C1orf146: variants seen among roughly 807,000 people sequenced by gnomAD.
C1orf146 encodes the protein chromosome 1 open reading frame 146.
In C1orf146, 22 loss-of-function variants were observed where a neutral mutation model predicts 23.0. The ratio of observed to expected loss-of-function variants is 0.96; its 90% CI spans 0.68 to 1.36. The LOEUF (loss-of-function observed/expected upper bound fraction) is 1.36. C1orf146 is among the 40% of genes most tolerant of loss of function. The pLI is 0.00. For missense variants in C1orf146, 199 were observed against 206.8 expected (o/e 0.96, Z 0.23); for synonymous variants, 59 against 65.3 (o/e 0.90, Z 0.47).
At chr1:92,226,950 CT>C (rs1365732343) in intron 1 of C1orf146, among the ~76,000 whole-genome samples, 12 of 152,176 alleles carry the variant, frequency 7.9e-5, no homozygotes, top group African/African-American at 2.9e-4. Flanking sequence ...TGCTGATTAA[CT>C]CAGAAATTAC....
At chr1:92,243,494 A>G (rs1188699780) in intron 3 of C1orf146, among the ~76,000 whole-genome samples, 3 of 152,070 alleles carry the variant, frequency 2.0e-5, no homozygotes, top group African/African-American at 4.8e-5. Context: ...TTACAGGCAC[A>G]TACCACCACA....
intron 1 of C1orf146, among the ~76,000 whole-genome samples, chr1:92,226,656 A>G (rs921626401): frequency 6.6e-6 from 1 of 151,940 alleles, no homozygotes; most frequent in African/African-American, 2.4e-5. Context: ...CACCCTTTTT[A>G]TATCTTAGTA....
At chr1:92,238,784 A>G (rs1652358517) in intron 2 of C1orf146, among the ~76,000 whole-genome samples, 1 of 152,164 alleles carries the variant, frequency 6.6e-6, no homozygotes, top group Non-Finnish European at 1.5e-5. Context: ...CTCACCATAT[A>G]AGAACCATAC....
intron 2 of C1orf146, among the ~76,000 whole-genome samples, chr1:92,236,176 G>A (rs544068176): frequency 2.0e-5 from 3 of 151,442 alleles, no homozygotes; most frequent in African/African-American, 7.3e-5. Context: ...TATTTTGCTC[G>A]TTAGTTGATG....
intron 3 of C1orf146, among the ~76,000 whole-genome samples, chr1:92,243,415 C>T (rs559744186): frequency 4.0e-5 from 6 of 150,484 alleles, no homozygotes; most frequent in East Asian, 4.0e-4. Context: ...GGTGTGATCT[C>T]AGCTCACTGC....
chr1:92,245,526 A>T lies in C1orf146; in HGVS notation c.409-14A>T. The T allele has an allele frequency of 6.3e-7, 1 of 1,575,540 alleles. No homozygotes were observed. Among genetic ancestry groups the T allele is most frequent in the Non-Finnish European group, 8.6e-7 (1 of 1,161,704 alleles). ...TTTCTGTAAATAATGCTGCATCTTT[A>T]TATCTTCTTCCAGACTACCTCCAAA... On this transcript the variant is annotated splice_polypyrimidine_tract_variant and intron_variant, in intron 5 of 5. Coordinates refer to ENST00000370375, the MANE Select transcript of C1orf146 (RefSeq NM_001012425.2).
At chr1:92,218,942 T>C (rs1216439061) in intron 1 of C1orf146, among the ~76,000 whole-genome samples, 1 of 152,180 alleles carries the variant, frequency 6.6e-6, no homozygotes, top group Non-Finnish European at 1.5e-5. Context: ...TAACAGGGAC[T>C]TGGGACACGA....
chr1:92,230,278 C>T (rs1023579024), intron 1 of C1orf146, among the ~76,000 whole-genome samples: 13 of 148,308 alleles, frequency 8.8e-5, no homozygotes, highest in Admixed American at 2.7e-4. Context: ...GTTTGGCCAA[C>T]GTAGGGAGAC....
intron 1 of C1orf146, 63 bp from the exon 2 acceptor site, chr1:92,231,319 C>A: frequency 1.3e-6 from 1 of 749,484 alleles, no homozygotes; most frequent in Non-Finnish European, 2.2e-6. Flanking sequence ...GTTTTATTTC[C>A]ATCTTTAATT....
chr1:92,229,115 G>A (rs1288534968), intron 1 of C1orf146: 9 of 506,600 alleles, frequency 1.8e-5, no homozygotes, highest in South Asian at 1.0e-4. Context: ...GGATGGAGCC[G>A]CCGATCCACA....
At chr1:92,234,689 C>T (rs1433277137) in intron 2 of C1orf146, among the ~76,000 whole-genome samples, 1 of 152,200 alleles carries the variant, frequency 6.6e-6, no homozygotes, top group African/African-American at 2.4e-5. Context: ...AGGAATGGTA[C>T]CATCTCCTCC....
chr1:92,231,584 A>C (rs1652121423), intron 2 of C1orf146, 98 bp downstream of exon 2: 1 of 700,212 alleles, frequency 1.4e-6, no homozygotes, highest in East Asian at 2.8e-5. Context: ...TTAATTATCC[A>C]CAATTAATTG....
At chr1:92,218,419 T>TG (rs1342672110) in intron 1 of C1orf146, among the ~76,000 whole-genome samples, 1 of 151,994 alleles carries the variant, frequency 6.6e-6, no homozygotes, top group East Asian at 1.9e-4. Context: ...CTGGAGATGA[T>TG]GGGGCAGTGT....
intron 1 of C1orf146, among the ~76,000 whole-genome samples, chr1:92,226,414 C>T (rs1557485830): frequency 6.7e-6 from 1 of 148,766 alleles, no homozygotes; most frequent in East Asian, 1.9e-4. Context: ...CACACACACA[C>T]ATACACACAC....
chr1:92,243,648 GGCTT>G (rs922144043), intron 3 of C1orf146, among the ~76,000 whole-genome samples: 1 of 152,030 alleles, frequency 6.6e-6, no homozygotes, highest in Non-Finnish European at 1.5e-5. Flanking sequence ...CCCAGCCAAA[GGCTT>G]GCTTAAGACT....
At chr1:92,241,825 C>A (rs765790467) in intron 2 of C1orf146, among the ~76,000 whole-genome samples, 3 of 152,150 alleles carry the variant, frequency 2.0e-5, no homozygotes, top group African/African-American at 2.4e-5. Context: ...ATAGTCCCAG[C>A]TACTTTGGGA....
chr1:92,236,426 G>A (rs1652277677), intron 2 of C1orf146, among the ~76,000 whole-genome samples: 1 of 151,876 alleles, frequency 6.6e-6, no homozygotes, highest in Non-Finnish European at 1.5e-5. Context: ...TAAGAATGTC[G>A]AATATTGGCC....
At chr1:92,224,564 A>T (rs1429992676) in intron 1 of C1orf146, among the ~76,000 whole-genome samples, 5 of 152,192 alleles carry the variant, frequency 3.3e-5, no homozygotes, top group African/African-American at 4.8e-5. Flanking sequence ...AATGGATCCG[A>T]GTTCATTTTC....
intron 2 of C1orf146, 69 bp downstream of exon 2, chr1:92,231,555 A>G (rs1652120715): frequency 9.6e-7 from 1 of 1,039,152 alleles, no homozygotes; most frequent in East Asian, 2.5e-5. Flanking sequence ...ATAGAACAAC[A>G]TTTTAAAAGG....
Sources: gnomAD v4.1 joint callset for allele counts (sites outside exome capture counted in the v4.1 genomes callset) on GRCh38, gnomAD v4.1.1 for gene constraint, MANE v1.5 for transcripts, NCBI Gene and HGNC (gene_info 2026-07-23, HGNC 2026-07-21) for gene names.